The following CDH18 variants were observed in gnomAD, a reference collection of about 807,000 sequenced individuals.
CDH18 encodes cadherin 18.
CDH18 carries 31 observed loss-of-function variants against 67.9 expected under a neutral mutation model. The observed-to-expected ratio is 0.46, with a 90% confidence interval of 0.34 to 0.62. The LOEUF (loss-of-function observed/expected upper bound fraction) is 0.62, where lower values mean the gene tolerates loss of function less well. Ranked by LOEUF, CDH18 falls within the 20% of genes least tolerant of loss-of-function variation. CDH18 has a pLI of 0.01. For synonymous variants in CDH18, 362 were observed against 347.2 expected (o/e 1.04, Z -0.48); for missense variants, 890 against 975.5 (o/e 0.91, Z 1.17).
chr5:19,950,033 C>A lies in CDH18; in HGVS notation c.-257+31027G>T, dbSNP rs143470891. ...CTCACATTGGTATACTACTAAATAT[C>A]ACATTGAATAAATATGAGATATATA... On this transcript the variant is annotated intron_variant, in intron 2 of 12. Transcript: ENST00000382275. Among the ~76,000 whole-genome samples, 387 of 150,546 alleles carry A rather than the reference C, an allele frequency of 2.6e-3. 1 individual carries two copies. Among genetic ancestry groups the A allele is most frequent in the African/African-American group, 8.9e-3 (364 of 41,070 alleles).
At chr5:20,303,617 C>T (rs572760058) in intron 1 of CDH18, among the ~76,000 whole-genome samples, 7 of 152,184 alleles carry the variant, frequency 4.6e-5, no homozygotes, top group Admixed American at 6.5e-5. Context: ...CTGAGCCCAC[C>T]GGAGAGAAGC....
chr5:20,321,301 C>T (rs73056755), intron 1 of CDH18, among the ~76,000 whole-genome samples: 16,538 of 151,906 alleles, frequency 0.11, 1,487 homozygotes, highest in East Asian at 0.37. Context: ...TCAAAATCTC[C>T]TTGATCCCTT....
chr5:19,624,505 C>A (rs1043441838), intron 5 of CDH18, among the ~76,000 whole-genome samples: 1 of 152,108 alleles, frequency 6.6e-6, no homozygotes, highest in South Asian at 2.1e-4. Context: ...ATTAAGATTT[C>A]AGAGATATGT....
intron 4 of CDH18, among the ~76,000 whole-genome samples, chr5:19,741,559 G>A (rs1222210361): frequency 6.6e-6 from 1 of 151,810 alleles, no homozygotes; most frequent in Non-Finnish European, 1.5e-5. Flanking sequence ...ATACTATTGT[G>A]CACTTCAAGA....
intron 1 of CDH18, among the ~76,000 whole-genome samples, chr5:20,510,924 G>A (rs10051135): frequency 0.046 from 7,010 of 152,190 alleles, 506 homozygotes; most frequent in African/African-American, 0.15. Flanking sequence ...ACAAAACACC[G>A]ATGTTGCCGA....
At chr5:19,542,406 C>T (rs371923136) in intron 9 of CDH18, among the ~76,000 whole-genome samples, 1 of 152,176 alleles carries the variant, frequency 6.6e-6, no homozygotes, top group Non-Finnish European at 1.5e-5. Flanking sequence ...CCAGCAATTT[C>T]ACTCCTAGGC....
chr5:20,333,376 G>A (rs149172318), intron 1 of CDH18, among the ~76,000 whole-genome samples: 2,087 of 151,572 alleles, frequency 0.014, 52 homozygotes, highest in African/African-American at 0.047. Flanking sequence ...GCATGGTGGC[G>A]CGTGCCTGTA....
At chr5:19,624,333 G>A (rs982996436) in intron 5 of CDH18, among the ~76,000 whole-genome samples, 2 of 151,952 alleles carry the variant, frequency 1.3e-5, no homozygotes, top group African/African-American at 4.8e-5. Flanking sequence ...AAAAAGACAT[G>A]GCCACTTTCC....
chr5:20,006,054 A>G (rs1736879493), intron 2 of CDH18, among the ~76,000 whole-genome samples: 1 of 152,006 alleles, frequency 6.6e-6, no homozygotes, highest in African/African-American at 2.4e-5. Context: ...TATTAAATTC[A>G]ATAACATATA....
At chr5:20,391,290 T>A (rs1184328558) in intron 1 of CDH18, among the ~76,000 whole-genome samples, 1 of 151,966 alleles carries the variant, frequency 6.6e-6, no homozygotes, top group Non-Finnish European at 1.5e-5. Flanking sequence ...AGGTTTTAAA[T>A]CATGATGGGG....
intron 1 of CDH18, among the ~76,000 whole-genome samples, chr5:20,359,951 T>C (rs1741954617): frequency 6.6e-6 from 1 of 151,216 alleles, no homozygotes; most frequent in African/African-American, 2.4e-5. Context: ...TATAATAATC[T>C]ATTAAAAAAT....
chr5:20,543,335 G>C (rs1757160089), intron 1 of CDH18, among the ~76,000 whole-genome samples: 1 of 151,908 alleles, frequency 6.6e-6, no homozygotes, highest in Non-Finnish European at 1.5e-5. Context: ...TATAACAGCA[G>C]TTTCTCAATT....
chr5:20,296,035 C>T (rs887061877), intron 1 of CDH18, among the ~76,000 whole-genome samples: 8 of 150,184 alleles, frequency 5.3e-5, no homozygotes, highest in African/African-American at 2.0e-4. Flanking sequence ...CCATGCCTGG[C>T]TAATTATTTT....
At chr5:20,146,313 G>C (rs572765178) in intron 2 of CDH18, among the ~76,000 whole-genome samples, 1 of 152,044 alleles carries the variant, frequency 6.6e-6, no homozygotes, top group Non-Finnish European at 1.5e-5. Context: ...GTCTTAATTA[G>C]GATGATTCAG....
Position 20,311,109 on chromosome 5 carries a change from CA to C in CDH18, c.-579-55605del, listed in dbSNP as rs538801885. Among the ~76,000 whole-genome samples, 6 of 151,424 alleles carry C rather than the reference CA, an allele frequency of 4.0e-5. No individual in the cohort carries two copies. In the East Asian group the frequency reaches 5.9e-4, roughly 15 times the overall value. ...AAAAACAAAACAAAACAAAAACAAACAAAAAAAAGCCTTTCTAACTGAAAAG... is the reference window on the plus strand; with the variant it reads ...AAAAACAAAACAAAACAAAAACAAACAAAAAAAGCCTTTCTAACTGAAAAG... On this transcript the variant is annotated intron_variant, in intron 1 of 14. Transcript: ENST00000507958.
chr5:20,121,369 C>T (rs1386290928), intron 2 of CDH18, among the ~76,000 whole-genome samples: 1 of 152,088 alleles, frequency 6.6e-6, no homozygotes, highest in Non-Finnish European at 1.5e-5. Context: ...TATTTGTTTT[C>T]CAGTTTAAAA....
chr5:20,062,140 A>AATTATTAATATT (rs1742546349), intron 2 of CDH18, among the ~76,000 whole-genome samples: 1 of 137,930 alleles, frequency 7.3e-6, no homozygotes, highest in African/African-American at 2.7e-5. Context: ...TTAAGCCCAG[A>AATTATTAATATT]ATTATTATTA....
intron 4 of CDH18, among the ~76,000 whole-genome samples, chr5:19,741,140 G>T (rs1769069551): frequency 1.6e-5 from 1 of 62,456 alleles, no homozygotes; most frequent in African/African-American, 3.2e-5. Flanking sequence ...AAATATACAT[G>T]TATATGTACA....
intron 1 of CDH18, among the ~76,000 whole-genome samples, chr5:20,499,342 T>C (rs1341444496): frequency 1.3e-5 from 2 of 152,138 alleles, no homozygotes; most frequent in Admixed American, 1.3e-4. Flanking sequence ...ATGATTGTTA[T>C]ACTGTTTTGT....
Sources: gnomAD v4.1 joint callset for allele counts (sites outside exome capture counted in the v4.1 genomes callset) on GRCh38, gnomAD v4.1.1 for gene constraint, MANE v1.5 for transcripts, NCBI Gene and HGNC (gene_info 2026-07-23, HGNC 2026-07-21) for gene names.